DNAH14: variants seen among roughly 807,000 people sequenced by gnomAD.
DNAH14 encodes the protein axonemal beta dynein heavy chain 14.
A neutral mutation model predicts 520.9 loss-of-function variants in DNAH14; 478 were observed. That is an observed-to-expected ratio of 0.92 (90% CI 0.85 to 0.99). The LOEUF (loss-of-function observed/expected upper bound fraction) is 0.99, where lower values mean the gene tolerates loss of function less well. DNAH14 is among the 50% of genes least tolerant of loss of function. The pLI is 0.00. For missense variants in DNAH14, 4,831 were observed against 5,234.5 expected, an observed-to-expected ratio of 0.92 and a Z score of 2.38; for synonymous variants, 1,581 against 1,757.2, an observed-to-expected ratio of 0.90 and a Z score of 2.51.
chr1:225,258,048 C>T lies in DNAH14; in HGVS notation c.6954C>T (p.Thr2318=), dbSNP rs1176117119. The change falls in exon 45 of 86, where the codon ACC becomes ACT. Residue 2318 remains threonine (T), a synonymous_variant. Coordinates refer to ENST00000682510, the MANE Select transcript of DNAH14 (RefSeq NM_001367479.1). The stretch of plus-strand genomic sequence containing the variant: ...GAGAATGCATTAATTATACCGCTAC[C>T]AGAGACACAACATGCCTTTCTTTTC... ...ECGECINYTA[T]RDTTCLSFLM... 2 of 1,550,374 alleles carry T rather than the reference C, an allele frequency of 1.3e-6. No homozygotes were observed. The highest frequency in any genetic ancestry group is 1.4e-5 in the African/African-American group (1 of 73,014).
At chr1:225,033,088 C>T (rs2066661905) in intron 11 of DNAH14, among the ~76,000 whole-genome samples, 1 of 152,092 alleles carries the variant, frequency 6.6e-6, no homozygotes, top group African/African-American at 2.4e-5. Flanking sequence ...TTAATTAGAT[C>T]CTGTTTGTCA....
In DNAH14 at chr1:225,168,239, G is replaced by A. The variant is rs6674390; in HGVS notation, c.5535+211G>A. 5.0e-3 allele frequency among the ~76,000 whole-genome samples: 765 copies of A among 152,290 alleles called. 6 individuals carry two copies. The highest frequency in any genetic ancestry group is 0.017 in the African/African-American group (719 of 41,554). On this transcript the variant is annotated intron_variant, in intron 36 of 85. Transcript: ENST00000682510. ...CCAGTCTACAGCTCCCAGCGTGAGC[G>A]ACGCAGAAGACGAATGATTTCTGCA...
At chr1:224,960,105 A>G in intron 3 of DNAH14, 48 bp from the exon 4 acceptor site, 1 of 1,490,784 alleles carries the variant, frequency 6.7e-7, no homozygotes, top group Non-Finnish European at 9.0e-7. Context: ...CTATGGTATT[A>G]TTTACAGCTC....
chr1:225,147,832 A>G (rs1185400982), intron 31 of DNAH14, among the ~76,000 whole-genome samples: 2 of 152,094 alleles, frequency 1.3e-5, no homozygotes, highest in Admixed American at 6.5e-5. Context: ...GTTCCTCACT[A>G]TAAGTCCATG....
intron 1 of DNAH14, among the ~76,000 whole-genome samples, chr1:224,931,324 G>A (rs2058683997): frequency 6.6e-6 from 1 of 152,044 alleles, no homozygotes; most frequent in South Asian, 2.1e-4. Context: ...GTTACAAGAA[G>A]CTATGATTTA....
At chr1:225,357,851 A>G (rs1284313854) in intron 73 of DNAH14, 2 of 701,938 alleles carry the variant, frequency 2.8e-6, no homozygotes, top group Non-Finnish European at 5.2e-6. Flanking sequence ...TTTTATGGTC[A>G]TTGTGTAGAC....
chr1:225,155,698 A>G (rs1002251891), intron 34 of DNAH14, among the ~76,000 whole-genome samples: 1 of 152,138 alleles, frequency 6.6e-6, no homozygotes, highest in Admixed American at 6.5e-5. Context: ...GCACCCTTCA[A>G]TTAGAGTTTC....
intron 27 of DNAH14, among the ~76,000 whole-genome samples, chr1:225,132,050 A>C (rs2078474359): frequency 1.3e-5 from 2 of 152,194 alleles, no homozygotes; most frequent in South Asian, 2.1e-4. Flanking sequence ...AGAAAAACTG[A>C]GTAATCATTT....
At chr1:225,328,942 A>G (rs2094735099) in intron 64 of DNAH14, among the ~76,000 whole-genome samples, 1 of 152,096 alleles carries the variant, frequency 6.6e-6, no homozygotes. Context: ...TGCCAAAAGT[A>G]ACATATATAT....
At chr1:225,152,629 TA>T in intron 32 of DNAH14, 67 bp from the exon 33 acceptor site, 2 of 1,359,862 alleles carry the variant, frequency 1.5e-6, no homozygotes, top group Non-Finnish European at 2.0e-6. Context: ...TGGGGAAAAG[TA>T]TGTGATTCCT....
At chr1:225,109,021 C>A (rs976057132) in intron 23 of DNAH14, among the ~76,000 whole-genome samples, 16 of 152,148 alleles carry the variant, frequency 1.1e-4, no homozygotes, top group African/African-American at 3.6e-4. Flanking sequence ...AATGAGTTCA[C>A]TGTAGATGTA....
At chr1:225,052,005 A>G (rs2068584228) in intron 17 of DNAH14, among the ~76,000 whole-genome samples, 1 of 152,188 alleles carries the variant, frequency 6.6e-6, no homozygotes, top group Non-Finnish European at 1.5e-5. Flanking sequence ...ACTTCCTCAG[A>G]AAACCTTCTC....
chr1:225,304,794 T>C (rs2094207734), intron 57 of DNAH14, 114 bp from the exon 58 acceptor site: 1 of 1,021,550 alleles, frequency 9.8e-7, no homozygotes, highest in Non-Finnish European at 1.4e-6. Flanking sequence ...TCTCTCTACA[T>C]CTCCACATCT....
At chr1:225,216,012 A>G (rs1035460014) in intron 41 of DNAH14, among the ~76,000 whole-genome samples, 1 of 152,202 alleles carries the variant, frequency 6.6e-6, no homozygotes, top group Admixed American at 6.5e-5. Context: ...ACAATTTGGC[A>G]TGTTTTTGCA....
intron 10 of DNAH14, among the ~76,000 whole-genome samples, chr1:225,016,710 G>A (rs2147962433): frequency 6.6e-6 from 1 of 151,596 alleles, no homozygotes; most frequent in Admixed American, 6.6e-5. Flanking sequence ...CATAAATCCT[G>A]TGAGTTTTCT....
At chr1:225,345,748 C>T (rs559489490) in intron 69 of DNAH14, among the ~76,000 whole-genome samples, 31 of 152,050 alleles carry the variant, frequency 2.0e-4, no homozygotes, top group Middle Eastern at 3.4e-3. Flanking sequence ...GAAGAGATGA[C>T]GGAGTGGGAA....
intron 68 of DNAH14, among the ~76,000 whole-genome samples, chr1:225,340,024 A>C (rs3856144): frequency 0.64 from 96,902 of 151,886 alleles, 31,689 homozygotes; most frequent in East Asian, 0.78. Context: ...CCATACAATT[A>C]ATCCATGTAG....
At chr1:225,191,093 G>A (rs1002258741) in intron 37 of DNAH14, among the ~76,000 whole-genome samples, 12 of 151,854 alleles carry the variant, frequency 7.9e-5, no homozygotes, top group African/African-American at 2.9e-4. Context: ...GAAAAAAAGA[G>A]GAGTTACAAA....
intron 17 of DNAH14, among the ~76,000 whole-genome samples, chr1:225,076,333 G>A (rs549013698): frequency 6.6e-6 from 1 of 152,266 alleles, no homozygotes; most frequent in African/African-American, 2.4e-5. Context: ...CCTGCCTGGT[G>A]CTGAATTTTA....
Sources: gnomAD v4.1 joint callset for allele counts (sites outside exome capture counted in the v4.1 genomes callset) on GRCh38, gnomAD v4.1.1 for gene constraint, MANE v1.5 for transcripts, NCBI Gene and HGNC (gene_info 2026-07-23, HGNC 2026-07-21) for gene names.